The following ARAP2 variants were observed in gnomAD, a reference collection of about 807,000 sequenced individuals.
ARAP2 encodes the protein arf-GAP with Rho-GAP domain, ANK repeat and PH domain-containing protein 2.
ARAP2 carries 148 observed loss-of-function variants against 194.5 expected under a neutral mutation model. The observed-to-expected ratio is 0.76, with a 90% CI of 0.67 to 0.87. The LOEUF (loss-of-function observed/expected upper bound fraction) is 0.87, where lower values mean the gene tolerates loss of function less well. Among genes scored for constraint, ARAP2 ranks in the 40% least tolerant of loss-of-function variants. ARAP2 has a pLI of 0.00. For missense variants in ARAP2, 2,128 were observed against 1,989.7 expected (o/e 1.07, Z -1.32); for synonymous variants, 695 against 683.5 (o/e 1.02, Z -0.26).
chr4:36,083,939 C>T (rs1730222644), intron 28 of ARAP2, among the ~76,000 whole-genome samples: 1 of 152,116 alleles, frequency 6.6e-6, no homozygotes. Context: ...GAAGAGCAGA[C>T]TTGCTAAGTC....
At chr4:36,075,171 G>T (rs1303330782) in intron 31 of ARAP2, among the ~76,000 whole-genome samples, 1 of 152,092 alleles carries the variant, frequency 6.6e-6, no homozygotes, top group Non-Finnish European at 1.5e-5. Flanking sequence ...GCAATTTTGT[G>T]AATTACCCTT....
chr4:36,175,753 C>T (rs986469641), intron 9 of ARAP2, among the ~76,000 whole-genome samples: 3 of 152,094 alleles, frequency 2.0e-5, no homozygotes, highest in Admixed American at 6.6e-5. Context: ...AGCCTTAATG[C>T]TTTAATTTTT....
At chr4:36,150,159 A>G (rs1361439874) in intron 16 of ARAP2, among the ~76,000 whole-genome samples, 1 of 152,232 alleles carries the variant, frequency 6.6e-6, no homozygotes, top group Non-Finnish European at 1.5e-5. Context: ...TAAGAAATTT[A>G]GCATTTCAAT....
intron 6 of ARAP2, among the ~76,000 whole-genome samples, chr4:36,200,454 C>T (rs528305461): frequency 2.0e-4 from 31 of 152,042 alleles, no homozygotes; most frequent in African/African-American, 6.8e-4. Context: ...GGGGTTTCTC[C>T]GTGTTGGTCA....
Position 36,147,617 on chromosome 4 carries a change from A to C in ARAP2, c.3130T>G (p.Leu1044Val). 1 of 1,613,670 alleles carries C rather than the reference A, an allele frequency of 6.2e-7. No homozygotes were observed. The highest frequency in any genetic ancestry group is 1.1e-5 in the South Asian group (1 of 91,048). The change falls in exon 18 of 33, where the codon TTG becomes GTG. Residue 1044 changes from leucine to valine, a missense_variant. Transcript: ENST00000303965. ...TCTTGCATTTGAAGGCAAAAATGCA[A>C]GCTGGATTTGTCCATAGCAAACCAG... Reference protein sequence around the residue: ...KGWFAMDKSSLHFCLQMQEVQ... With the variant: ...KGWFAMDKSSVHFCLQMQEVQ...
At chr4:36,145,056 T>A (rs1019677295) in intron 19 of ARAP2, among the ~76,000 whole-genome samples, 2 of 151,964 alleles carry the variant, frequency 1.3e-5, no homozygotes, top group African/African-American at 4.8e-5. Context: ...AGAGTTTTTT[T>A]AAGCAAATTA....
In ARAP2 at chr4:36,234,157, C is replaced by G. The variant is rs559973093; in HGVS notation, c.-159-4512G>C. 1.3e-5 allele frequency among the ~76,000 whole-genome samples: 2 copies of G among 152,282 alleles called. 1 individual carries two copies. The highest frequency in any genetic ancestry group is 4.1e-4 in the South Asian group (2 of 4,826). On this transcript the variant is annotated intron_variant, in intron 1 of 32. Coordinates refer to ENST00000303965, the MANE Select transcript of ARAP2 (RefSeq NM_015230.4). ...ATCATAAAGTCGAAAAATCCCAAGT[C>G]AAACCATAATAAGTTGGGAAGCATC...
intron 5 of ARAP2, among the ~76,000 whole-genome samples, chr4:36,037,443 T>A (rs1319857834): frequency 6.6e-6 from 1 of 152,134 alleles, no homozygotes; most frequent in Non-Finnish European, 1.5e-5. Flanking sequence ...CTTCTTTCCC[T>A]GAAGAAAAAG....
chr4:36,057,119 T>C (rs1477056078), intron 2 of ARAP2, among the ~76,000 whole-genome samples: 3 of 151,956 alleles, frequency 2.0e-5, no homozygotes, highest in East Asian at 1.9e-4. Flanking sequence ...TATTTTGCCA[T>C]CTCTTTCAAG....
intron 6 of ARAP2, among the ~76,000 whole-genome samples, chr4:36,207,993 C>T (rs1051440734): frequency 2.0e-5 from 3 of 152,236 alleles, no homozygotes; most frequent in Admixed American, 6.5e-5. Context: ...GCATCTACCA[C>T]GTGCTAGACA....
intron 5 of ARAP2, among the ~76,000 whole-genome samples, chr4:36,020,691 GA>G (rs1045497579): frequency 6.6e-6 from 1 of 152,198 alleles, no homozygotes; most frequent in African/African-American, 2.4e-5. Context: ...TGAAACCACA[GA>G]AAGTGAAACA....
At chr4:36,065,936 GCTAAT>G (rs1725344649), downstream of ARAP2, 1 of 152,144 alleles carries the variant, frequency 6.6e-6, no homozygotes, top group East Asian at 1.9e-4. Context: ...AGAAAAGAAA[GCTAAT>G]CTATTTGATC....
chr4:36,100,837 A>AG (rs1716700104), intron 27 of ARAP2, among the ~76,000 whole-genome samples: 1 of 152,002 alleles, frequency 6.6e-6, no homozygotes, highest in Non-Finnish European at 1.5e-5. Flanking sequence ...TAACAGATAT[A>AG]GACACACTGT....
At chr4:36,183,841 T>C (rs1282423770) in intron 8 of ARAP2, among the ~76,000 whole-genome samples, 1 of 152,164 alleles carries the variant, frequency 6.6e-6, no homozygotes, top group African/African-American at 2.4e-5. Flanking sequence ...AATCCTGTCT[T>C]AGTAACACCA....
In ARAP2 at chr4:36,228,996, C is replaced by T; in HGVS notation, c.491G>A (p.Gly164Asp). Residue 164 changes from glycine (G) to aspartate (D), a missense_variant, in exon 2 of 33, where the codon GGT becomes GAT. Coordinates refer to ENST00000303965, the MANE Select transcript of ARAP2 (RefSeq NM_015230.4). The stretch of plus-strand genomic sequence containing the variant: ...ACCAAATAAAGAATCATTCAAAGAA[C>T]CCAAATTCAGGTGTGGTTCCTCTGC... ...PTAEEPHLNLGSLNDSLFGSD... is the reference protein window; with the variant it reads ...PTAEEPHLNLDSLNDSLFGSD... 3 of 1,614,046 alleles carry T rather than the reference C, an allele frequency of 1.9e-6. No individual in the cohort carries two copies. Among genetic ancestry groups the T allele is most frequent in the Non-Finnish European group, 2.5e-6 (3 of 1,179,996 alleles).
At chr4:36,015,494 TC>T (rs1715624093) in exon 8 of ARAP2, 1 of 152,222 alleles carries the variant, frequency 6.6e-6, no homozygotes, top group Non-Finnish European at 1.5e-5. Flanking sequence ...GGCTCAGTGA[TC>T]CAAGGTGACC....
chr4:36,016,039 A>C (rs1203755892), intron 6 of ARAP2: 1 of 152,196 alleles, frequency 6.6e-6, no homozygotes, highest in Non-Finnish European at 1.5e-5. Context: ...GAAAAACGAG[A>C]AATCAATTTA....
rs570470046 is a variant in ARAP2 at position 36,040,249 on chromosome 4, G to T, written n.607+5730C>A. Among the ~76,000 whole-genome samples the T allele has an allele frequency of 5.9e-5, 9 of 152,194 alleles. 1 individual carries two copies. The South Asian group carries it at 1.9e-3, about 32-fold the overall frequency. On this transcript the variant is annotated intron_variant and non_coding_transcript_variant, in intron 5 of 12. Coordinates refer to the ARAP2 transcript ENST00000503225. ...ACCAAGAGACTTGGGCAAGAGAGTG[G>T]GATGAGCAAAACAAAATCCTTGCAG...
chr4:36,095,339 T>C (rs931590194), intron 27 of ARAP2, among the ~76,000 whole-genome samples: 3 of 152,206 alleles, frequency 2.0e-5, no homozygotes, highest in African/African-American at 7.2e-5. Context: ...AATGTGTTTC[T>C]GGGATTCCTA....
Sources: gnomAD v4.1 joint callset for allele counts (sites outside exome capture counted in the v4.1 genomes callset) on GRCh38, gnomAD v4.1.1 for gene constraint, MANE v1.5 for transcripts, NCBI Gene and HGNC (gene_info 2026-07-23, HGNC 2026-07-21) for gene names.